PAAF1: variants seen among roughly 807,000 people sequenced by gnomAD.
PAAF1 encodes the protein proteasomal ATPase associated factor 1.
In PAAF1, 46 loss-of-function variants were observed where a neutral mutation model predicts 52.8. The ratio of observed to expected loss-of-function variants is 0.87; its 90% CI spans 0.69 to 1.11. The LOEUF is 1.11. PAAF1 is among the 50% of genes most tolerant of loss of function. PAAF1 has a pLI of 0.00. For missense variants in PAAF1, 424 were observed against 477.4 expected (o/e 0.89, Z 1.04); for synonymous variants, 178 against 172.8 (o/e 1.03, Z -0.24).
intron 2 of PAAF1, chr11:73,880,139 C>T (rs1266764664): frequency 6.6e-6 from 1 of 151,680 alleles, no homozygotes; most frequent in African/African-American, 2.4e-5. Flanking sequence ...GAGGATTGCT[C>T]AAGCCCAGCA....
At chr11:73,899,631 C>T (rs1949540981) in intron 5 of PAAF1, among the ~76,000 whole-genome samples, 1 of 152,074 alleles carries the variant, frequency 6.6e-6, no homozygotes, top group Non-Finnish European at 1.5e-5. Context: ...AGGCTGGTTT[C>T]CAACTCCTCA....
chr11:73,892,128 G>A (rs973537161), intron 4 of PAAF1, among the ~76,000 whole-genome samples: 2 of 152,058 alleles, frequency 1.3e-5, no homozygotes, highest in Non-Finnish European at 2.9e-5. Flanking sequence ...TTCAAGACCA[G>A]CCTGAGCAAC....
rs1178504444 is a variant in PAAF1 at position 73,909,464 on chromosome 11, G to A, written c.598G>A (p.Ala200Thr). ...GGTGTCTGCTTCTCGAGATGGGACA[G>A]CACGACTTTGGGATTGTGGGCGCTC... ...NVVSASRDGT[A>T]RLWDCGRSAC... The change falls in exon 7 of 12, where the codon GCA (alanine) becomes ACA (threonine). Residue 200 changes from alanine (A) to threonine (T), a missense_variant. Ala to Thr is a moderately conservative substitution (Grantham distance 58, BLOSUM62 0). Transcript: ENST00000310571. The A allele has an allele frequency of 1.2e-6, 2 of 1,614,176 alleles. No homozygotes were observed. The highest frequency in any genetic ancestry group is 1.1e-5 in the South Asian group (1 of 91,084).
intron 3 of PAAF1, among the ~76,000 whole-genome samples, chr11:73,887,938 TG>T (rs1198054578): frequency 6.6e-6 from 1 of 152,028 alleles, no homozygotes; most frequent in African/African-American, 2.4e-5. Flanking sequence ...TTAGTAGAGA[TG>T]GGGTTTCACC....
chr11:73,885,842 CAAA>C (rs371468192), intron 2 of PAAF1, among the ~76,000 whole-genome samples: 1 of 82,350 alleles, frequency 1.2e-5, no homozygotes. Context: ...AACTCCATCT[CAAA>C]AAAAAAAAAA....
chr11:73,896,090 C>T (rs1487100050), intron 4 of PAAF1, among the ~76,000 whole-genome samples: 4 of 152,068 alleles, frequency 2.6e-5, no homozygotes, highest in African/African-American at 9.7e-5. Context: ...GCCTGAGCAA[C>T]AGAGTGAGAC....
chr11:73,905,258 C>T (rs1465045630), intron 6 of PAAF1, among the ~76,000 whole-genome samples: 1 of 151,908 alleles, frequency 6.6e-6, no homozygotes, highest in Middle Eastern at 3.2e-3. Context: ...GAATCTCACT[C>T]TGTTGCCCAG....
chr11:73,897,505 CAG>C (rs1230917920), intron 4 of PAAF1, among the ~76,000 whole-genome samples: 8 of 150,584 alleles, frequency 5.3e-5, no homozygotes, highest in African/African-American at 2.0e-4. Context: ...ACATCCCGGA[CAG>C]GGTGGCAGGG....
intron 8 of PAAF1, among the ~76,000 whole-genome samples, chr11:73,915,400 A>G (rs1950037214): frequency 6.6e-6 from 1 of 152,174 alleles, no homozygotes; most frequent in Non-Finnish European, 1.5e-5. Flanking sequence ...TGAGTCCAGG[A>G]GTTCGAGACT....
intron 4 of PAAF1, among the ~76,000 whole-genome samples, chr11:73,897,555 G>A (rs1949442695): frequency 6.6e-6 from 1 of 151,812 alleles, no homozygotes; most frequent in African/African-American, 2.4e-5. Flanking sequence ...TGGGCGGCCG[G>A]GCAGAGACGC....
rs551043897 is a variant in PAAF1 at position 73,902,431 on chromosome 11, G to C, written c.532+2011G>C. On this transcript the variant is annotated intron_variant, in intron 6 of 11. Coordinates refer to ENST00000310571, the MANE Select transcript of PAAF1 (RefSeq NM_025155.3). ...AGCCAAAGTAGTCTAGAGGAACAGT[G>C]CAAGCTTCACCTCCGATCTGGCCAT... Among the ~76,000 whole-genome samples, 7 of 152,296 alleles carry C rather than the reference G, an allele frequency of 4.6e-5. No individual in the cohort carries two copies. The South Asian group carries it at 1.2e-3, about 27-fold the overall frequency.
In PAAF1 at chr11:73,927,716, A is replaced by G. The variant is rs1329521173; in HGVS notation, c.*354A>G. 2 of 224,634 alleles carry G rather than the reference A, an allele frequency of 8.9e-6. No individual in the cohort carries two copies. Among genetic ancestry groups the G allele is most frequent in the African/African-American group, 4.6e-5 (2 of 43,942 alleles). The allele number at this position is 224,634 out of a possible 1,614,324, so 13.9% of individuals were successfully genotyped here. On this transcript the variant is annotated 3_prime_UTR_variant, in exon 12 of 12. Transcript: ENST00000310571. ...CTGTTCTCTGGAGGAAATAAAGAAA[A>G]TATGTTTGGAGGTGCCTGAATATGA...
intron 1 of PAAF1, chr11:73,877,341 G>T: frequency 3.1e-6 from 1 of 325,052 alleles, no homozygotes; most frequent in Non-Finnish European, 5.6e-6. Flanking sequence ...CTGGGAGGCA[G>T]GAAGGCTTTT....
At chr11:73,891,317 ATTGTAAG>A (rs1949197684) in intron 4 of PAAF1, 116 bp downstream of exon 4, 8 of 626,814 alleles carry the variant, frequency 1.3e-5, no homozygotes, top group Non-Finnish European at 2.2e-5. Flanking sequence ...TTTACTTTGC[ATTGTAAG>A]ATGATACAGC....
At chr11:73,925,432 C>T (rs1018105150) in intron 11 of PAAF1, among the ~76,000 whole-genome samples, 1 of 149,758 alleles carries the variant, frequency 6.7e-6, no homozygotes, top group Admixed American at 6.7e-5. Flanking sequence ...TACCATTGCA[C>T]TCTAGTCTGG....
In PAAF1 at chr11:73,900,331, T is replaced by G; in HGVS notation, c.443T>G (p.Val148Gly). Residue 148 changes from valine to glycine, a missense_variant, in exon 6 of 12, where the codon GTG becomes GGG. Coordinates refer to ENST00000310571, the MANE Select transcript of PAAF1 (RefSeq NM_025155.3). ...NCCRFFPSGL[V>G]VLSGGMDAQL... ...TGCAGGTTTTTCCCATCAGGCCTTG[T>G]GGTCCTGAGTGGGGGAATGGATGCC... The G allele has an allele frequency of 6.2e-7, 1 of 1,613,166 alleles. No homozygotes were observed. Among genetic ancestry groups the G allele is most frequent in the East Asian group, 2.2e-5 (1 of 44,880 alleles).
At chr11:73,887,281 G>C in intron 2 of PAAF1, 73 bp from the exon 3 acceptor site, 1 of 1,102,812 alleles carries the variant, frequency 9.1e-7, no homozygotes. Context: ...ACAGATGCCT[G>C]AATTGGGTCT....
At chr11:73,897,305 G>A (rs1250944900) in intron 4 of PAAF1, among the ~76,000 whole-genome samples, 4 of 149,764 alleles carry the variant, frequency 2.7e-5, no homozygotes, top group African/African-American at 4.9e-5. Context: ...CTTCCCTCCC[G>A]GACGAGGTGG....
In PAAF1 at chr11:73,921,190, C is replaced by T. The variant is rs189227240; in HGVS notation, c.1018+2158C>T. Among the ~76,000 whole-genome samples, 314 of 151,944 alleles carry T rather than the reference C, an allele frequency of 2.1e-3. 2 individuals carry two copies. Among genetic ancestry groups the T allele is most frequent in the African/African-American group, 7.0e-3 (288 of 41,434 alleles). ...TGGTGTGCACCTGTAATCCCAGCTA[C>T]TTGGGAGGCTGAGGCAGGAGAATCA... On this transcript the variant is annotated intron_variant, in intron 10 of 11. Transcript: ENST00000310571.
Sources: allele counts gnomAD v4.1 joint callset (sites outside exome capture counted in the v4.1 genomes callset), GRCh38; gene constraint gnomAD v4.1.1; transcripts MANE v1.5; gene names NCBI Gene and HGNC (gene_info 2026-07-23, HGNC 2026-07-21).